Variants in PTGS1 observed in about 807,000 individuals in gnomAD.
PTGS1 encodes the protein prostaglandin-endoperoxide synthase 1, also known as prostaglandin G/H synthase 1.
PTGS1 carries 40 observed loss-of-function variants against 63.0 expected under a neutral mutation model. The observed-to-expected ratio is 0.63, with a 90% CI of 0.49 to 0.83. PTGS1 has a LOEUF of 0.83. Ranked by LOEUF, PTGS1 falls within the 40% of genes least tolerant of loss-of-function variation. The probability of loss-of-function intolerance (pLI) is 0.00; values close to 1 mark genes in which losing one functional copy is unlikely to be tolerated. For missense variants in PTGS1, 709 were observed against 786.5 expected (o/e 0.90, Z 1.18); for synonymous variants, 298 against 301.9 (o/e 0.99, Z 0.13).
chr9:122,391,398 CATATATATATACATATAT>C (rs1450730275), intron 10 of PTGS1, among the ~76,000 whole-genome samples: 25 of 93,182 alleles, frequency 2.7e-4, no homozygotes, highest in Non-Finnish European at 3.0e-4. Context: ...TATATATATA[CATATATATATACATATAT>C]ATATATATAT....
intron 2 of PTGS1, among the ~76,000 whole-genome samples, chr9:122,376,143 G>A (rs1837139805): frequency 6.6e-6 from 1 of 152,156 alleles, no homozygotes; most frequent in South Asian, 2.1e-4. Context: ...TGTGGCTGGG[G>A]GAGGCGGGGG....
At position 122,390,182 on chromosome 9, in the gene PTGS1, GC is replaced by G; in HGVS notation, c.1297-15del. The G allele has an allele frequency of 6.2e-7, 1 of 1,612,222 alleles. No homozygotes were observed. The highest frequency in any genetic ancestry group is 8.5e-7 in the Non-Finnish European group (1 of 1,178,946). ...GGCCTGGCTCCCAGACCACTGCTGT[GC>G]TTCTCTCTCGGCAGATCGGTGGGGG... On this transcript the variant is annotated splice_polypyrimidine_tract_variant and intron_variant, in intron 9 of 10. Transcript: ENST00000362012.
upstream of PTGS1, chr9:122,370,928 A>T: frequency 8.1e-7 from 1 of 1,227,884 alleles, no homozygotes; most frequent in Non-Finnish European, 1.1e-6. Flanking sequence ...GGGGCTGGGC[A>T]GAGGAAGTAA....
chr9:122,383,535 C>T lies in PTGS1; in HGVS notation c.789C>T (p.Pro263=), dbSNP rs201614805. The T allele has an allele frequency of 2.5e-6, 4 of 1,612,246 alleles. No homozygotes were observed. Among genetic ancestry groups the T allele is most frequent in the African/African-American group, 1.3e-5 (1 of 74,892 alleles). ...TGCTGGATGGAGAAATGTACCCGCC[C>T]TCGGTAGAAGAGGCGCCTGTGTTGA... ...YQVLDGEMYP[P]SVEEAPVLMH... The change falls in exon 8 of 11, where the codon CCC becomes CCT. Residue 263 remains proline (P), a synonymous_variant. Coordinates refer to ENST00000362012, the MANE Select transcript of PTGS1 (RefSeq NM_000962.4).
upstream of PTGS1, chr9:122,370,971 G>C: frequency 1.3e-6 from 2 of 1,494,002 alleles, no homozygotes; most frequent in Non-Finnish European, 9.0e-7. Flanking sequence ...GGAGGGAGGA[G>C]CGGGGGTGGA....
At position 122,383,768 on chromosome 9, in the gene PTGS1, G is replaced by T; in HGVS notation, c.1009+13G>T. 6.2e-7 allele frequency: 1 copy of T among 1,602,116 alleles called. No homozygotes were observed. The highest frequency in any genetic ancestry group is 8.5e-7 in the Non-Finnish European group (1 of 1,176,180). ...CTCATCCTCATAGGTGAGGACTCCA[G>T]ACCTGCCCTGCCCTGGAAGGTCATT... On this transcript the variant is annotated intron_variant, in intron 8 of 10. Coordinates refer to ENST00000362012, the MANE Select transcript of PTGS1 (RefSeq NM_000962.4).
At chr9:122,384,671 G>A (rs2119162877) in intron 8 of PTGS1, among the ~76,000 whole-genome samples, 1 of 152,220 alleles carries the variant, frequency 6.6e-6, no homozygotes, top group East Asian at 1.9e-4. Context: ...GAACTCTCCA[G>A]GGACACTCAG....
chr9:122,371,688 C>A, intron 2 of PTGS1: 1 of 1,478,186 alleles, frequency 6.8e-7, no homozygotes, highest in Non-Finnish European at 9.0e-7. Context: ...GTCTGGGAAC[C>A]CATCCTGATT....
At position 122,383,933 on chromosome 9, in the gene PTGS1, C is replaced by A. The variant is rs10306154; in HGVS notation, c.1009+178C>A. Among the ~76,000 whole-genome samples the A allele has an allele frequency of 5.4e-3, 821 of 152,232 alleles. 11 individuals carry two copies. The highest frequency in any genetic ancestry group is 0.018 in the African/African-American group (765 of 41,532). On this transcript the variant is annotated intron_variant, in intron 8 of 10. Transcript: ENST00000362012. ...GTGAGCCTCGGTCTCCAAATCTGTA[C>A]GTTGGGGTGAACGATGATTGTAAGG... is the stretch of plus-strand genomic sequence containing the variant.
upstream of PTGS1, chr9:122,370,992 G>C: frequency 1.3e-6 from 2 of 1,514,702 alleles, no homozygotes; most frequent in Admixed American, 2.0e-5. Flanking sequence ...GCCGGGGGAA[G>C]GGTGGGGAGG....
rs199569717 is a variant in PTGS1, at chr9:122,390,195, C to T, written c.1297-3C>T. ...GACCACTGCTGTGCTTCTCTCTCGGCAGATCGGTGGGGGCAGGAACATGGA... is the reference window on the plus strand; with the variant it reads ...GACCACTGCTGTGCTTCTCTCTCGGTAGATCGGTGGGGGCAGGAACATGGA... On this transcript the variant is annotated splice_region_variant and splice_polypyrimidine_tract_variant and intron_variant, in intron 9 of 10. Coordinates refer to ENST00000362012, the MANE Select transcript of PTGS1 (RefSeq NM_000962.4). 1.9e-6 allele frequency: 3 copies of T among 1,613,138 alleles called. No homozygotes were observed. Among genetic ancestry groups the T allele is most frequent in the Non-Finnish European group, 2.5e-6 (3 of 1,179,504 alleles).
At chr9:122,379,069 G>C in intron 5 of PTGS1, 151 bp downstream of exon 5, 1 of 1,139,106 alleles carries the variant, frequency 8.8e-7, no homozygotes, top group South Asian at 1.6e-5. Flanking sequence ...CCTGGGCTGA[G>C]AACAGGCAAG....
chr9:122,382,250 A>G (rs139051969), intron 7 of PTGS1, among the ~76,000 whole-genome samples: 39 of 152,356 alleles, frequency 2.6e-4, no homozygotes, highest in African/African-American at 9.1e-4. Flanking sequence ...AAACAGGTGA[A>G]ATGATTTTAA....
At chr9:122,380,470 TAAA>T (rs1564136049) in intron 5 of PTGS1, among the ~76,000 whole-genome samples, 1 of 94,924 alleles carries the variant, frequency 1.1e-5, no homozygotes, top group Non-Finnish European at 2.3e-5. Context: ...GTCTCAAAAA[TAAA>T]TAAATAAATA....
chr9:122,379,625 G>C (rs150161162), intron 5 of PTGS1, among the ~76,000 whole-genome samples: 36 of 152,328 alleles, frequency 2.4e-4, no homozygotes, highest in African/African-American at 7.7e-4. Context: ...GCACTACTGT[G>C]ACGGTTTTCC....
chr9:122,378,087 C>A, intron 3 of PTGS1, 72 bp downstream of exon 3: 1 of 1,352,644 alleles, frequency 7.4e-7, no homozygotes, highest in Non-Finnish European at 1.0e-6. Context: ...TCTCCTAGAC[C>A]CTAACTTCCT....
intron 9 of PTGS1, among the ~76,000 whole-genome samples, chr9:122,389,397 C>A (rs112688842): frequency 6.6e-6 from 1 of 151,912 alleles, no homozygotes; most frequent in Non-Finnish European, 1.5e-5. Context: ...GTGATCCACC[C>A]GCCTCGGCCT....
chr9:122,391,397 A>G (rs1838256930), intron 10 of PTGS1, among the ~76,000 whole-genome samples: 1 of 83,210 alleles, frequency 1.2e-5, no homozygotes, highest in South Asian at 3.6e-4. Context: ...ATATATATAT[A>G]CATATATATA....
Position 122,392,290 on chromosome 9 carries a change from A to G in PTGS1, c.1546A>G (p.Ile516Val), listed in dbSNP as rs1302806115. ...TCTTGAAAAGTGCCATCCAAACTCT[A>G]TCTTTGGGGAGAGTATGATAGAGAT... ...LLLEKCHPNS[I>V]FGESMIEIGA... The change falls in exon 11 of 11, where the codon ATC (isoleucine) becomes GTC (valine). Residue 516 changes from isoleucine to valine, a missense_variant. Physicochemically the swap from Ile to Val is conservative, Grantham distance 29 (BLOSUM62 3). Transcript: ENST00000362012. 2.5e-6 allele frequency: 4 copies of G among 1,613,916 alleles called. No homozygotes were observed. The Admixed American group carries it at 5.0e-5, about 20-fold the overall frequency.
Sources: gnomAD v4.1 joint callset for allele counts (sites outside exome capture counted in the v4.1 genomes callset) on GRCh38, gnomAD v4.1.1 for gene constraint, MANE v1.5 for transcripts, NCBI Gene and HGNC (gene_info 2026-07-23, HGNC 2026-07-21) for gene names.